Variants in MIDEAS observed in about 807,000 individuals in gnomAD.
MIDEAS encodes mitotic deacetylase associated SANT domain protein, also known as mitotic deacetylase-associated SANT domain protein.
MIDEAS carries 26 observed loss-of-function variants against 102.7 expected under a neutral mutation model. That is an observed-to-expected ratio of 0.25 (90% CI 0.19 to 0.35). MIDEAS has a LOEUF of 0.35. Ranked by LOEUF, MIDEAS falls within the 10% of genes least tolerant of loss-of-function variation. The pLI, the probability that MIDEAS is intolerant of heterozygous loss-of-function variation, is 1.00. For synonymous variants in MIDEAS, 585 were observed against 591.0 expected, an observed-to-expected ratio of 0.99 and a Z score of 0.15; for missense variants, 1,231 against 1,435.6, an observed-to-expected ratio of 0.86 and a Z score of 2.30.
rs367695695 is a variant in MIDEAS at position 73,725,241 on chromosome 14, C to T, written c.2574+31G>A. 26 of 1,594,074 alleles carry T rather than the reference C, an allele frequency of 1.6e-5. No individual in the cohort carries two copies. The highest frequency in any genetic ancestry group is 1.6e-4 in the East Asian group (7 of 44,766). ...AAAGTCACACAGGCAGCTCCTGGCC[C>T]TCATTTGCCCTGAAACAGAGCCCAG... is the stretch of plus-strand genomic sequence containing the variant. On this transcript the variant is annotated intron_variant, in intron 9 of 12. Transcript: ENST00000423556. The surrounding 1 kb of genome is among the most constrained non-coding windows in gnomAD (Gnocchi z 4.1).
intron 1 of MIDEAS, among the ~76,000 whole-genome samples, chr14:73,767,388 G>A (rs768471973): frequency 4.6e-5 from 7 of 152,062 alleles, no homozygotes; most frequent in Admixed American, 6.6e-5. Context: ...TAATCCCAGC[G>A]CTTTGGGAGG....
At chr14:73,743,243 T>C (rs2053305415) in intron 1 of MIDEAS, among the ~76,000 whole-genome samples, 1 of 152,182 alleles carries the variant, frequency 6.6e-6, no homozygotes, top group Non-Finnish European at 1.5e-5. Flanking sequence ...TCCCTTCTCA[T>C]TGGCACTGGG....
In MIDEAS at chr14:73,757,279, C is replaced by CAAAAAAAAAAAAAAAAAAAAAAA. The variant is rs370387448; in HGVS notation, c.-248+2483_-248+2484insTTTTTTTTTTTTTTTTTTTTTTT. Among the ~76,000 whole-genome samples, 26 of 67,700 alleles carry CAAAAAAAAAAAAAAAAAAAAAAA rather than the reference C, an allele frequency of 3.8e-4. 4 individuals carry two copies. The highest frequency in any genetic ancestry group is 2.8e-3 in the East Asian group (3 of 1,080). 44.4% of individuals were successfully genotyped at this position (67,700 alleles called of 152,430 possible). ...AGAGAAAGACCCTATCTCTAACAAC[C>CAAAAAAAAAAAAAAAAAAAAAAA]AAAAAAAAAAAAAAACACTAAACAC... On this transcript the variant is annotated intron_variant, in intron 1 of 12. Coordinates refer to ENST00000423556, the MANE Select transcript of MIDEAS (RefSeq NM_001367710.1).
In MIDEAS at chr14:73,742,972, C is replaced by CAG. The variant is rs1449181633; in HGVS notation, c.-247-2719_-247-2718dup. ...AAATTCCCACCATGGCCTTATAAGG[C>CAG]AGGAGTTGCGATTTTAACCTCTATT... On this transcript the variant is annotated intron_variant, in intron 1 of 12. Coordinates refer to ENST00000423556, the MANE Select transcript of MIDEAS (RefSeq NM_001367710.1). This position sits in a 1 kb window ranked among gnomAD's most constrained non-coding sequence, Gnocchi z 4.4. Among the ~76,000 whole-genome samples, 4 of 152,270 alleles carry CAG rather than the reference C, an allele frequency of 2.6e-5. No individual in the cohort carries two copies. The East Asian group carries it at 5.8e-4, about 22-fold the overall frequency.
At position 73,718,914 on chromosome 14, in the gene MIDEAS, CCT is replaced by C; in HGVS notation, c.3227_3228del (p.Glu1076GlyfsTer71). 1 of 1,524,102 alleles carries C rather than the reference CCT, an allele frequency of 6.6e-7. No homozygotes were observed. Among genetic ancestry groups the C allele is most frequent in the Non-Finnish European group, 8.8e-7 (1 of 1,142,460 alleles). 94.4% of individuals were successfully genotyped at this position (1,524,102 alleles called of 1,614,324 possible). A position where few individuals can be genotyped will look rare whatever the true frequency, so the allele number is the denominator to read the frequency against. ...TGGGCGGCGGCGGCGGCAGCAGCGGCCTCTTTCTCCTTCAGCCTCAGCGCTGC... is the reference window on the plus strand; with the variant it reads ...TGGGCGGCGGCGGCGGCAGCAGCGGCCTTTCTCCTTCAGCCTCAGCGCTGC... ...KAAALRLKEK[E>X]AAAAAAAAHQ... On this transcript the variant is annotated frameshift_variant, in exon 13 of 13. Transcript: ENST00000423556. LOFTEE classifies it high-confidence loss of function.
chr14:73,765,215 G>A (rs549581883), upstream of MIDEAS, among the ~76,000 whole-genome samples: 1 of 152,352 alleles, frequency 6.6e-6, no homozygotes, highest in African/African-American at 2.4e-5. Context: ...GTGTGCAACA[G>A]GGCATGCTTT....
intron 1 of MIDEAS, among the ~76,000 whole-genome samples, chr14:73,752,772 G>A (rs1218385908): frequency 1.3e-5 from 2 of 152,196 alleles, no homozygotes; most frequent in African/African-American, 4.8e-5. Context: ...TCCAGTCTCT[G>A]AGCAGCTGCT....
rs752957541 is a variant in MIDEAS at position 73,739,222 on chromosome 14, C to CCTGCTG, written c.781_786dup (p.Gln261_Gln262dup). 1.9e-5 allele frequency: 30 copies of CCTGCTG among 1,607,712 alleles called. No homozygotes were observed. Among genetic ancestry groups the CCTGCTG allele is most frequent in the East Asian group, 1.6e-4 (7 of 44,738 alleles). ...AAGAGCGGCATCTGGGGTAGGGCTG[C>CCTGCTG]CTGCTGCTGCTGCTGCTGCTGCTGT... On this transcript the variant is annotated inframe_insertion, in exon 2 of 13. Transcript: ENST00000423556.
intron 1 of MIDEAS, among the ~76,000 whole-genome samples, chr14:73,784,303 G>C (rs1288054553): frequency 6.6e-6 from 1 of 152,238 alleles, no homozygotes; most frequent in African/African-American, 2.4e-5. Flanking sequence ...TTCTGTCTCT[G>C]TGTAACAACT....
intron 1 of MIDEAS, among the ~76,000 whole-genome samples, chr14:73,758,455 CAAG>C (rs933298531): frequency 3.3e-5 from 5 of 152,206 alleles, no homozygotes; most frequent in Admixed American, 6.5e-5. Flanking sequence ...GCTACAGGAA[CAAG>C]AAGATCCCAG....
At chr14:73,733,884 G>A (rs531934586) in intron 3 of MIDEAS, among the ~76,000 whole-genome samples, 22 of 152,032 alleles carry the variant, frequency 1.4e-4, no homozygotes, top group Admixed American at 1.3e-3. Context: ...TAGTAGAGAC[G>A]GGGTTTCACT....
intron 1 of MIDEAS, among the ~76,000 whole-genome samples, chr14:73,755,181 G>A (rs1359231854): frequency 6.6e-6 from 1 of 152,200 alleles, no homozygotes; most frequent in Non-Finnish European, 1.5e-5. Context: ...GCCACAGCAC[G>A]AGGCTGTGTT....
At position 73,759,374 on chromosome 14, in the gene MIDEAS, A is replaced by T. The variant is rs917455097; in HGVS notation, c.-248+389T>A. Among the ~76,000 whole-genome samples the T allele has an allele frequency of 3.3e-5, 5 of 151,934 alleles. No homozygotes were observed. The highest frequency in any genetic ancestry group is 1.2e-4 in the African/African-American group (5 of 41,388). The stretch of plus-strand genomic sequence containing the variant: ...CGTTTCTCTCCAGCGGAGGAGGAGC[A>T]GCCGGATTCCCGAGCCGCCGCGGGC... On this transcript the variant is annotated intron_variant, in intron 1 of 12. Coordinates refer to ENST00000423556, the MANE Select transcript of MIDEAS (RefSeq NM_001367710.1). This position sits in a 1 kb window ranked among gnomAD's most constrained non-coding sequence, Gnocchi z 6.7.
chr14:73,727,625 A>G (rs1270982422), intron 4 of MIDEAS, 101 bp from the exon 5 acceptor site: 1 of 1,157,676 alleles, frequency 8.6e-7, no homozygotes, highest in Non-Finnish European at 1.2e-6. Flanking sequence ...CAGTGGTGAC[A>G]CACAGAGCTC....
intron 7 of MIDEAS, 113 bp from the exon 8 acceptor site, chr14:73,726,221 T>G: frequency 1.1e-6 from 1 of 892,864 alleles, no homozygotes; most frequent in South Asian, 1.4e-5. Context: ...TCTTGCCCCC[T>G]TAACTGCTGA....
chr14:73,769,336 C>T (rs1170067515), intron 1 of MIDEAS, among the ~76,000 whole-genome samples: 1 of 152,154 alleles, frequency 6.6e-6, no homozygotes. Context: ...AGTCACAGGA[C>T]ATGAGCAGGG....
At position 73,759,924 on chromosome 14, in the gene MIDEAS, C is replaced by T. The variant is rs2053537742; in HGVS notation, c.-409G>A. ...CCCGCGGCGCTCGCGGGGCTTCCGC[C>T]AGCCCGCGCCTCCCGAGGCTGAGAA... On this transcript the variant is annotated 5_prime_UTR_variant, in exon 1 of 13. Transcript: ENST00000423556. The surrounding 1 kb of genome is among the most constrained non-coding windows in gnomAD (Gnocchi z 6.7). 1.3e-5 allele frequency: 2 copies of T among 151,944 alleles called. No homozygotes were observed. Among genetic ancestry groups the T allele is most frequent in the South Asian group, 4.1e-4 (2 of 4,836 alleles). The allele number at this position is 151,944 out of a possible 1,614,324, so 9.4% of individuals were successfully genotyped here. A position where few individuals can be genotyped will look rare whatever the true frequency, so the allele number is the denominator to read the frequency against.
intron 1 of MIDEAS, among the ~76,000 whole-genome samples, chr14:73,740,800 G>C (rs2053272185): frequency 6.6e-6 from 1 of 152,220 alleles, no homozygotes; most frequent in South Asian, 2.1e-4. Context: ...CTCAGGCTCG[G>C]GAAGTGGAGA....
At chr14:73,781,607 G>A (rs1445283598) in intron 1 of MIDEAS, among the ~76,000 whole-genome samples, 2 of 152,082 alleles carry the variant, frequency 1.3e-5, no homozygotes, top group Non-Finnish European at 2.9e-5. Flanking sequence ...GGTGGCGCAT[G>A]CCTGTAATCC....
Sources: gnomAD v4.1 joint callset for allele counts (sites outside exome capture counted in the v4.1 genomes callset) on GRCh38, gnomAD v4.1.1 for gene constraint, Gnocchi (gnomAD v3.1) non-coding constraint, MANE v1.5 for transcripts, NCBI Gene and HGNC (gene_info 2026-07-23, HGNC 2026-07-21) for gene names.